Variants in NRG2 observed in about 807,000 individuals in gnomAD.
The protein encoded by NRG2 is pro-neuregulin-2, membrane-bound isoform.
A neutral mutation model predicts 73.9 loss-of-function variants in NRG2; 27 were observed. The ratio of observed to expected loss-of-function variants is 0.37; its 90% CI spans 0.27 to 0.50. The LOEUF (loss-of-function observed/expected upper bound fraction) is 0.50. Among genes scored for constraint, NRG2 ranks in the 20% least tolerant of loss-of-function variants. The pLI, the probability that NRG2 is intolerant of heterozygous loss-of-function variation, is 0.96. For missense variants in NRG2, 1,126 were observed against 1,210.1 expected (o/e 0.93, Z 1.03); for synonymous variants, 532 against 541.0 (o/e 0.98, Z 0.23).
At chr5:139,921,379 AT>A (rs2126318721) in intron 1 of NRG2, among the ~76,000 whole-genome samples, 1 of 152,366 alleles carries the variant, frequency 6.6e-6, no homozygotes, top group African/African-American at 2.4e-5. Flanking sequence ...ACAGTGGGGT[AT>A]TGGTGAAAGA....
At chr5:139,858,269 C>A (rs1761929553) in intron 5 of NRG2, among the ~76,000 whole-genome samples, 1 of 152,192 alleles carries the variant, frequency 6.6e-6, no homozygotes, top group Non-Finnish European at 1.5e-5. Flanking sequence ...AAGCCCACTC[C>A]AACCACATGA....
intron 5 of NRG2, among the ~76,000 whole-genome samples, chr5:139,862,332 G>A (rs1374118419): frequency 3.3e-5 from 5 of 152,218 alleles, no homozygotes; most frequent in African/African-American, 9.6e-5. Flanking sequence ...GCCAGTCACT[G>A]GGTAGGCAGC....
intron 1 of NRG2, among the ~76,000 whole-genome samples, chr5:139,930,293 A>C (rs539301287): frequency 6.6e-6 from 1 of 152,372 alleles, no homozygotes; most frequent in Non-Finnish European, 1.5e-5. Context: ...TCCAGTCTGC[A>C]GATGCTGGAG....
intron 1 of NRG2, among the ~76,000 whole-genome samples, chr5:140,032,029 C>T (rs1424673077): frequency 6.6e-6 from 1 of 152,138 alleles, no homozygotes; most frequent in East Asian, 1.9e-4. Context: ...AACCAGTGAT[C>T]AAAGGACCAG....
intron 1 of NRG2, among the ~76,000 whole-genome samples, chr5:139,928,154 G>A (rs1339157671): frequency 6.6e-6 from 1 of 152,154 alleles, no homozygotes; most frequent in East Asian, 1.9e-4. Context: ...AGGACTCTTA[G>A]AATCAGAGCT....
chr5:139,918,055 G>A (rs1185835938), intron 1 of NRG2, among the ~76,000 whole-genome samples: 1 of 152,094 alleles, frequency 6.6e-6, no homozygotes, highest in South Asian at 2.1e-4. Context: ...ACCCATGTTG[G>A]GTTAATTTTT....
intron 1 of NRG2, among the ~76,000 whole-genome samples, chr5:139,924,785 C>T (rs560895728): frequency 5.3e-5 from 8 of 152,286 alleles, no homozygotes; most frequent in East Asian, 1.9e-4. Flanking sequence ...CTCCCTCAGC[C>T]GCCTCCCTTT....
At position 139,848,487 on chromosome 5, in the gene NRG2, CCCGGG is replaced by C; in HGVS notation, c.1978_1982del (p.Pro660AlafsTer14). The stretch of plus-strand genomic sequence containing the variant: ...TGTCTGCGCCGGGCCCGGGCCCGGG[CCCGGG>C]TCCGGGTCCCGGGCCGGGGGGCGCC... On this transcript the variant is annotated frameshift_variant, in exon 10 of 10. Transcript: ENST00000361474. LOFTEE classifies it high-confidence loss of function. 7.4e-7 allele frequency: 1 copy of C among 1,349,168 alleles called. No homozygotes were observed. The highest frequency in any genetic ancestry group is 9.4e-7 in the Non-Finnish European group (1 of 1,064,132). 83.6% of individuals were successfully genotyped at this position (1,349,168 alleles called of 1,614,324 possible). A position where few individuals can be genotyped will look rare whatever the true frequency, so the allele number is the denominator to read the frequency against.
chr5:139,910,691 C>T (rs1191923130), intron 1 of NRG2, among the ~76,000 whole-genome samples: 9 of 152,188 alleles, frequency 5.9e-5, no homozygotes, highest in Non-Finnish European at 1.2e-4. Flanking sequence ...CCTTTTGACC[C>T]TGTCCCCTTT....
At chr5:140,018,701 G>A (rs978617497) in intron 1 of NRG2, among the ~76,000 whole-genome samples, 5 of 152,168 alleles carry the variant, frequency 3.3e-5, no homozygotes, top group Non-Finnish European at 5.9e-5. Flanking sequence ...TGCCAAGGAC[G>A]CAGACGACCA....
intron 1 of NRG2, among the ~76,000 whole-genome samples, chr5:139,976,445 TATA>T (rs750033724): frequency 1.3e-5 from 2 of 152,176 alleles, no homozygotes; most frequent in East Asian, 1.9e-4. Context: ...TTCAATCCTA[TATA>T]ATGAGTGATC....
intron 1 of NRG2, among the ~76,000 whole-genome samples, chr5:139,897,276 C>T (rs920957754): frequency 1.3e-5 from 2 of 152,218 alleles, no homozygotes; most frequent in African/African-American, 4.8e-5. Context: ...GAAACAGGGA[C>T]AGTCTCATCC....
chr5:140,023,807 G>A (rs1451318287), intron 1 of NRG2, among the ~76,000 whole-genome samples: 1 of 152,180 alleles, frequency 6.6e-6, no homozygotes, highest in Non-Finnish European at 1.5e-5. Context: ...TAGCCAAAAA[G>A]CCTGTTCTTT....
intron 2 of NRG2, among the ~76,000 whole-genome samples, chr5:139,881,984 A>G (rs1012012239): frequency 5.3e-5 from 8 of 152,132 alleles, no homozygotes; most frequent in African/African-American, 1.9e-4. Flanking sequence ...AAGGGCCAGC[A>G]TGAGCTCTGG....
At chr5:139,937,956 T>C (rs1404696980) in intron 1 of NRG2, among the ~76,000 whole-genome samples, 1 of 152,200 alleles carries the variant, frequency 6.6e-6, no homozygotes, top group African/African-American at 2.4e-5. Flanking sequence ...TGTGCACCTG[T>C]AATCCCAGCT....
At chr5:139,977,676 C>G (rs2126550127) in intron 1 of NRG2, among the ~76,000 whole-genome samples, 1 of 151,314 alleles carries the variant, frequency 6.6e-6, no homozygotes, top group South Asian at 2.1e-4. Context: ...AGGCATCACA[C>G]TACCTGACTT....
At chr5:139,912,147 ATTC>A (rs1750874308) in intron 1 of NRG2, among the ~76,000 whole-genome samples, 1 of 152,180 alleles carries the variant, frequency 6.6e-6, no homozygotes, top group East Asian at 1.9e-4. Context: ...GTCAGCATCC[ATTC>A]TTATTCCCTT....
At chr5:140,021,933 C>T (rs1323486135) in intron 1 of NRG2, among the ~76,000 whole-genome samples, 1 of 152,194 alleles carries the variant, frequency 6.6e-6, no homozygotes, top group Non-Finnish European at 1.5e-5. Flanking sequence ...GAGTCCTCTG[C>T]CCTTACAGAA....
In NRG2 at chr5:139,848,459, G is replaced by A; in HGVS notation, c.2011C>T (p.Gln671Ter). 7.5e-7 allele frequency: 1 copy of A among 1,337,064 alleles called. No individual in the cohort carries two copies. The highest frequency in any genetic ancestry group is 9.5e-7 in the Non-Finnish European group (1 of 1,057,008). The allele number at this position is 1,337,064 out of a possible 1,614,324, so 82.8% of individuals were successfully genotyped here. A position where few individuals can be genotyped will look rare whatever the true frequency, so the allele number is the denominator to read the frequency against. Reference protein sequence around the residue: ...GPGPGPGADMQRSYDSYYYPA... With the variant: ...GPGPGPGADM ...TAATAGTAGCTGTCATAGCTGCGCTGCATGTCTGCGCCGGGCCCGGGCCCG... is the reference window on the plus strand; with the variant it reads ...TAATAGTAGCTGTCATAGCTGCGCTACATGTCTGCGCCGGGCCCGGGCCCG... Residue 671 changes from glutamine (Q) to a stop codon, truncating the protein, a stop_gained, in exon 10 of 10, where the codon CAG (glutamine) becomes TAG (stop). Coordinates refer to ENST00000361474, the MANE Select transcript of NRG2 (RefSeq NM_004883.3). LOFTEE classifies it high-confidence loss of function.
Sources: gnomAD v4.1 joint callset for allele counts (sites outside exome capture counted in the v4.1 genomes callset) on GRCh38, gnomAD v4.1.1 for gene constraint, MANE v1.5 for transcripts, NCBI Gene and HGNC (gene_info 2026-07-23, HGNC 2026-07-21) for gene names.